Variants in CD247 observed in about 807,000 individuals in gnomAD.
CD247 encodes the protein T-cell surface glycoprotein CD3 zeta chain.
CD247 carries 13 observed loss-of-function variants against 30.0 expected under a neutral mutation model. The ratio of observed to expected loss-of-function variants is 0.43; its 90% CI spans 0.28 to 0.69. The LOEUF (loss-of-function observed/expected upper bound fraction) is 0.69, where lower values mean the gene tolerates loss of function less well. Ranked by LOEUF, CD247 falls within the 30% of genes least tolerant of loss-of-function variation. The probability of loss-of-function intolerance (pLI) is 0.16; values close to 1 mark genes in which losing one functional copy is unlikely to be tolerated. For synonymous variants in CD247, 72 were observed against 80.0 expected (o/e 0.90, Z 0.53); for missense variants, 193 against 212.6 (o/e 0.91, Z 0.57).
At chr1:167,471,872 A>G (rs1161382138) in intron 1 of CD247, among the ~76,000 whole-genome samples, 3 of 123,040 alleles carry the variant, frequency 2.4e-5, no homozygotes, top group East Asian at 4.5e-4. Context: ...TTGCTCTGTC[A>G]CCCAGTCTGA....
chr1:167,471,765 G>C (rs538004933), intron 1 of CD247, among the ~76,000 whole-genome samples: 1 of 151,284 alleles, frequency 6.6e-6, no homozygotes. Flanking sequence ...ACTACACTCG[G>C]CTTTATTTTT....
chr1:167,452,159 A>G (rs1652376643), intron 1 of CD247, among the ~76,000 whole-genome samples: 1 of 152,238 alleles, frequency 6.6e-6, no homozygotes. Context: ...TGGGAGGCAG[A>G]GGTTGCAGTG....
intron 6 of CD247, among the ~76,000 whole-genome samples, chr1:167,433,341 A>G (rs1207553877): frequency 6.6e-6 from 1 of 152,174 alleles, no homozygotes. Flanking sequence ...CAGGACCTAT[A>G]TTGCCTACTG....
chr1:167,478,500 G>A (rs750996959), intron 1 of CD247, among the ~76,000 whole-genome samples: 36 of 152,146 alleles, frequency 2.4e-4, no homozygotes, highest in Non-Finnish European at 4.1e-4. Flanking sequence ...GGGGGGCTTC[G>A]AGGGTTTGAA....
intron 2 of CD247, chr1:167,440,318 A>G (rs1383331114): frequency 1.4e-5 from 5 of 363,940 alleles, no homozygotes; most frequent in African/African-American, 6.3e-5. Context: ...AAAGGCTAAC[A>G]TGGCCTTCAT....
intron 1 of CD247, among the ~76,000 whole-genome samples, chr1:167,452,646 G>A (rs935153200): frequency 1.3e-5 from 2 of 152,138 alleles, no homozygotes; most frequent in African/African-American, 2.4e-5. Context: ...AGAGAGGTGG[G>A]CAAGGAAACA....
At chr1:167,450,358 G>T (rs1652297168) in intron 1 of CD247, among the ~76,000 whole-genome samples, 2 of 152,160 alleles carry the variant, frequency 1.3e-5, no homozygotes, top group Non-Finnish European at 2.9e-5. Context: ...AGCTGGGCAT[G>T]ATGGTGCATG....
chr1:167,468,986 A>G (rs974220157), intron 1 of CD247, among the ~76,000 whole-genome samples: 3 of 150,702 alleles, frequency 2.0e-5, no homozygotes, highest in African/African-American at 7.3e-5. Context: ...AGTTCCTACC[A>G]CTAAAAAATA....
At chr1:167,509,369 CAAAAAA>C (rs35004744) in intron 1 of CD247, among the ~76,000 whole-genome samples, 300 of 63,852 alleles carry the variant, frequency 4.7e-3, no homozygotes, top group South Asian at 8.9e-3. Context: ...AACTCTGTCT[CAAAAAA>C]AAAAAAAAAA....
intron 1 of CD247, among the ~76,000 whole-genome samples, chr1:167,509,921 C>T (rs1482881339): frequency 1.3e-5 from 2 of 152,106 alleles, no homozygotes; most frequent in Non-Finnish European, 2.9e-5. Context: ...GATGAGAGAC[C>T]TCTGACGGGA....
intron 1 of CD247, among the ~76,000 whole-genome samples, chr1:167,505,750 G>A (rs1655087667): frequency 6.6e-6 from 1 of 152,224 alleles, no homozygotes; most frequent in Non-Finnish European, 1.5e-5. Context: ...GAGTGGGGAG[G>A]GGTTTCCTCA....
rs1299676636 is a variant in CD247 at position 167,507,578 on chromosome 1, A to AATCCCAGC, written c.58+10822_58+10829dup. ...AGGCAGCGTGGTGGCTTATTCCTGT[A>AATCCCAGC]ATCCCAGCACTTTGGGAGGCCAAGG... On this transcript the variant is annotated intron_variant, in intron 1 of 7. Coordinates refer to ENST00000362089, the MANE Select transcript of CD247 (RefSeq NM_198053.3). Among the ~76,000 whole-genome samples, 11 of 152,184 alleles carry AATCCCAGC rather than the reference A, an allele frequency of 7.2e-5. No individual in the cohort carries two copies. In the East Asian group the frequency reaches 2.1e-3, roughly 29 times the overall value.
chr1:167,503,241 G>T (rs1350020208), intron 1 of CD247, among the ~76,000 whole-genome samples: 1 of 152,154 alleles, frequency 6.6e-6, no homozygotes, highest in Admixed American at 6.5e-5. Context: ...TCAGGCTGAG[G>T]CCATGCCCTG....
intron 1 of CD247, among the ~76,000 whole-genome samples, chr1:167,470,883 T>A (rs1233656408): frequency 6.7e-6 from 1 of 149,906 alleles, no homozygotes; most frequent in Non-Finnish European, 1.5e-5. Flanking sequence ...TTTTTTTTTT[T>A]TTTTTTGAGA....
intron 1 of CD247, among the ~76,000 whole-genome samples, chr1:167,449,791 C>CAAA (rs371219500): frequency 1.9e-3 from 292 of 152,080 alleles, no homozygotes; most frequent in African/African-American, 6.5e-3. Flanking sequence ...GGCATGGTGG[C>CAAA]ACGTGCCTAT....
chr1:167,473,125 A>ACC (rs1553233153), intron 1 of CD247, among the ~76,000 whole-genome samples: 233 of 150,616 alleles, frequency 1.5e-3, no homozygotes, highest in Middle Eastern at 6.8e-3. Flanking sequence ...ACACACACAC[A>ACC]CCCATCTGTA....
chr1:167,510,757 G>A (rs997510916), intron 1 of CD247, among the ~76,000 whole-genome samples: 4 of 152,166 alleles, frequency 2.6e-5, no homozygotes, highest in South Asian at 2.1e-4. Flanking sequence ...GCAAAAGAGG[G>A]GGGTAGGGGT....
intron 1 of CD247, among the ~76,000 whole-genome samples, chr1:167,441,288 C>A (rs886964420): frequency 7.2e-5 from 11 of 152,198 alleles, no homozygotes; most frequent in Non-Finnish European, 2.9e-5. Flanking sequence ...AACTCTCCCC[C>A]AACTCCCTGC....
At chr1:167,505,050 T>C (rs1266260119) in intron 1 of CD247, among the ~76,000 whole-genome samples, 1 of 152,220 alleles carries the variant, frequency 6.6e-6, no homozygotes, top group Non-Finnish European at 1.5e-5. Flanking sequence ...TTACATATTA[T>C]TATAATATTC....
Sources: allele counts gnomAD v4.1 joint callset (sites outside exome capture counted in the v4.1 genomes callset), GRCh38; gene constraint gnomAD v4.1.1; transcripts MANE v1.5; gene names NCBI Gene and HGNC (gene_info 2026-07-23, HGNC 2026-07-21).